TNRC6B: variants seen among roughly 807,000 people sequenced by gnomAD.
TNRC6B encodes the protein trinucleotide repeat containing adaptor 6B.
A neutral mutation model predicts 203.6 loss-of-function variants in TNRC6B; 52 were observed. That is an observed-to-expected ratio of 0.26 (90% CI 0.20 to 0.32). The LOEUF (loss-of-function observed/expected upper bound fraction) is 0.32, where lower values mean the gene tolerates loss of function less well. TNRC6B is among the 10% of genes least tolerant of loss of function. The probability of loss-of-function intolerance (pLI) is 1.00; values close to 1 mark genes in which losing one functional copy is unlikely to be tolerated. For synonymous variants in TNRC6B, 838 were observed against 845.7 expected (o/e 0.99, Z 0.16); for missense variants, 1,923 against 2,286.2 (o/e 0.84, Z 3.24).
chr22:40,152,179 A>G (rs2068764001), intron 3 of TNRC6B, among the ~76,000 whole-genome samples: 1 of 152,138 alleles, frequency 6.6e-6, no homozygotes, highest in Non-Finnish European at 1.5e-5. Flanking sequence ...AAAAATAAGG[A>G]CTTAAATGTT....
chr22:40,171,683 A>T (rs1439563329), intron 4 of TNRC6B, among the ~76,000 whole-genome samples: 2 of 152,058 alleles, frequency 1.3e-5, no homozygotes, highest in African/African-American at 2.4e-5. Context: ...TCCTGCTGAA[A>T]ACTCTTTTGT....
rs890769443 is a variant in TNRC6B, at chr22:40,326,745, T to A, written c.*3504T>A. On this transcript the variant is annotated 3_prime_UTR_variant, in exon 23 of 23. Transcript: ENST00000454349. ...AATCTATGTAAAGAGTTAGGAAATATAGGTTAATAATTTTTGGAACAAATT... is the reference window on the plus strand; with the variant it reads ...AATCTATGTAAAGAGTTAGGAAATAAAGGTTAATAATTTTTGGAACAAATT... 1 of 152,504 alleles carries A rather than the reference T, an allele frequency of 6.6e-6. No individual in the cohort carries two copies. Among genetic ancestry groups the A allele is most frequent in the Non-Finnish European group, 1.5e-5 (1 of 68,014 alleles). The allele number at this position is 152,504 out of a possible 1,614,324, so 9.4% of individuals were successfully genotyped here. A position where few individuals can be genotyped will look rare whatever the true frequency, so the allele number is the denominator to read the frequency against.
intron 1 of TNRC6B, among the ~76,000 whole-genome samples, chr22:40,245,074 C>CATTT (rs36155056): frequency 0.085 from 12,632 of 149,480 alleles, 787 homozygotes; most frequent in African/African-American, 0.17. Context: ...ATAGGACATA[C>CATTT]ATTTATTTAT....
intron 1 of TNRC6B, among the ~76,000 whole-genome samples, chr22:40,060,230 T>A (rs1290934410): frequency 2.0e-5 from 3 of 151,716 alleles, no homozygotes; most frequent in East Asian, 1.9e-4. Flanking sequence ...ATTATTTTTT[T>A]ATTTTTTTGA....
intron 1 of TNRC6B, among the ~76,000 whole-genome samples, chr22:40,242,339 A>C (rs1343460309): frequency 6.6e-6 from 1 of 152,178 alleles, no homozygotes; most frequent in African/African-American, 2.4e-5. Flanking sequence ...ATCCAACCCC[A>C]CAGAGTTCAT....
intron 1 of TNRC6B, among the ~76,000 whole-genome samples, chr22:40,189,700 T>C (rs2069248074): frequency 6.6e-6 from 1 of 152,198 alleles, no homozygotes; most frequent in Admixed American, 6.5e-5. Flanking sequence ...CCATTTCAAT[T>C]ATCCCTTTCT....
chr22:40,229,251 GA>G (rs957323076), intron 1 of TNRC6B, among the ~76,000 whole-genome samples: 3 of 152,080 alleles, frequency 2.0e-5, no homozygotes, highest in Admixed American at 2.0e-4. Context: ...TCATTACATT[GA>G]AAAATGAAAC....
rs1340309543 is a variant in TNRC6B at position 40,207,415 on chromosome 22, AAAAATATATAT to A, written c.5+29277_5+29287del. ...GAGTGAGACCCTGCCTCAAAAAAAA[AAAAATATATAT>A]ATATATATATATATATATGTATAAT... On this transcript the variant is annotated intron_variant, in intron 1 of 22. Coordinates refer to ENST00000454349, the MANE Select transcript of TNRC6B (RefSeq NM_001162501.2). 2.3e-3 allele frequency among the ~76,000 whole-genome samples: 256 copies of A among 113,052 alleles called. 1 individual carries two copies. The highest frequency in any genetic ancestry group is 0.012 in the African/African-American group (207 of 17,820). 74.2% of individuals were successfully genotyped at this position (113,052 alleles called of 152,430 possible). A position where few individuals can be genotyped will look rare whatever the true frequency, so the allele number is the denominator to read the frequency against.
At chr22:40,215,725 T>G (rs1194519305) in intron 1 of TNRC6B, among the ~76,000 whole-genome samples, 1 of 152,216 alleles carries the variant, frequency 6.6e-6, no homozygotes. Flanking sequence ...CAGTGACTAG[T>G]TAATAACTTT....
At position 40,266,057 on chromosome 22, in the gene TNRC6B, C is replaced by A. The variant is rs1452543248; in HGVS notation, c.1827C>A (p.Ser609Arg). 1.2e-6 allele frequency: 2 copies of A among 1,613,556 alleles called. No homozygotes were observed. Among genetic ancestry groups the A allele is most frequent in the African/African-American group, 2.7e-5 (2 of 74,926 alleles). ...AGGCTGTCTTGCAGACTCTTTTGAG[C>A]CGAACTGATTTGGACCCCAGGGTGC... ...DCQAVLQTLL[S>R]RTDLDPRVLS... The change falls in exon 5 of 23, where the codon AGC becomes AGA. Residue 609 changes from serine to arginine, a missense_variant. Coordinates refer to ENST00000454349, the MANE Select transcript of TNRC6B (RefSeq NM_001162501.2).
Position 40,266,707 on chromosome 22 carries a change from C to T in TNRC6B, c.2477C>T (p.Pro826Leu). Residue 826 changes from proline to leucine, a missense_variant, in exon 5 of 23, where the codon CCA (proline) becomes CTA (leucine). Coordinates refer to ENST00000454349, the MANE Select transcript of TNRC6B (RefSeq NM_001162501.2). ...AAACAACACCAACAGCAGCAGCCCCCACAGCAGCCGCCGCCACCACAACCA... is the reference window on the plus strand; with the variant it reads ...AAACAACACCAACAGCAGCAGCCCCTACAGCAGCCGCCGCCACCACAACCA... ...WNKQHQQQQP[P>L]QQPPPPQPEA... The T allele has an allele frequency of 1.2e-6, 2 of 1,613,916 alleles. No homozygotes were observed. The highest frequency in any genetic ancestry group is 1.7e-6 in the Non-Finnish European group (2 of 1,179,846).
intron 19 of TNRC6B, 149 bp downstream of exon 19, chr22:40,313,146 T>C (rs1313446630): frequency 2.0e-5 from 13 of 655,570 alleles, no homozygotes; most frequent in Non-Finnish European, 3.1e-5. Context: ...ATCTTTTCTG[T>C]TTGCTATGTC....
At chr22:40,113,716 G>A (rs964810207) in intron 1 of TNRC6B, among the ~76,000 whole-genome samples, 6 of 152,002 alleles carry the variant, frequency 3.9e-5, no homozygotes, top group Admixed American at 3.3e-4. Context: ...CTTCTTGTCC[G>A]CTTGGGCTGG....
rs1183432270 is a variant in TNRC6B, at chr22:40,325,030, A to AT, written c.*1790dup. 1 of 152,532 alleles carries AT rather than the reference A, an allele frequency of 6.6e-6. No individual in the cohort carries two copies. The highest frequency in any genetic ancestry group is 2.4e-5 in the African/African-American group (1 of 41,406). The allele number at this position is 152,532 out of a possible 1,614,324, so 9.4% of individuals were successfully genotyped here. ...AGACCTGAAGGGGGCGAAAAACCAGATAGGGTGGGGGGATGGATGCCGGTG... is the reference window on the plus strand; with the variant it reads ...AGACCTGAAGGGGGCGAAAAACCAGATTAGGGTGGGGGGATGGATGCCGGTG... On this transcript the variant is annotated 3_prime_UTR_variant, in exon 23 of 23. Transcript: ENST00000454349.
chr22:40,208,612 T>G (rs1417618436), intron 1 of TNRC6B, among the ~76,000 whole-genome samples: 1 of 152,196 alleles, frequency 6.6e-6, no homozygotes, highest in Non-Finnish European at 1.5e-5. Context: ...AAGGGGAAGT[T>G]AACGCTTGTG....
intron 1 of TNRC6B, among the ~76,000 whole-genome samples, chr22:40,199,852 A>G (rs901149436): frequency 3.3e-5 from 5 of 152,062 alleles, no homozygotes; most frequent in African/African-American, 1.2e-4. Flanking sequence ...GGAGTGCTGC[A>G]GTGGCACGAT....
At chr22:40,254,632 A>G (rs1235838432) in intron 3 of TNRC6B, among the ~76,000 whole-genome samples, 1 of 152,230 alleles carries the variant, frequency 6.6e-6, no homozygotes, top group African/African-American at 2.4e-5. Context: ...TCACGCCTGT[A>G]ATGCCAACAC....
intron 1 of TNRC6B, among the ~76,000 whole-genome samples, chr22:40,052,444 ATTTTTTTTTTTT>A (rs908013463): frequency 5.8e-5 from 3 of 51,878 alleles, no homozygotes; most frequent in African/African-American, 1.8e-4. Context: ...TGTGTATTGT[ATTTTTTTTTTTT>A]TTTTTTTTTT....
chr22:40,315,435 TC>T lies in TNRC6B; in HGVS notation c.4832del (p.Ser1611TyrfsTer54). The stretch of plus-strand genomic sequence containing the variant: ...TCCTGGTCTGACCAACCCCAAACCA[TC>T]ATCTCCCTGGAGCAGCACAGCACCC... ...PPPGLTNPKP[S>X]SPWSSTAPRS... On this transcript the variant is annotated frameshift_variant, in exon 20 of 23. Coordinates refer to ENST00000454349, the MANE Select transcript of TNRC6B (RefSeq NM_001162501.2). LOFTEE classifies it high-confidence loss of function. The T allele has an allele frequency of 6.2e-7, 1 of 1,613,826 alleles. No homozygotes were observed. Among genetic ancestry groups the T allele is most frequent in the Non-Finnish European group, 8.5e-7 (1 of 1,179,870 alleles).
Sources: allele counts gnomAD v4.1 joint callset (sites outside exome capture counted in the v4.1 genomes callset), GRCh38; gene constraint gnomAD v4.1.1; transcripts MANE v1.5; gene names NCBI Gene and HGNC (gene_info 2026-07-23, HGNC 2026-07-21).